Variants in CDH19 observed in about 807,000 individuals in gnomAD.
The protein encoded by CDH19 is cadherin-19.
In CDH19, 67 loss-of-function variants were observed where a neutral mutation model predicts 64.2. That is an observed-to-expected ratio of 1.04 (90% CI 0.86 to 1.28). The LOEUF is 1.28. Among genes scored for constraint, CDH19 ranks in the 50% most tolerant of loss-of-function variants. The pLI is 0.00. For missense variants in CDH19, 1,030 were observed against 929.0 expected (o/e 1.11, Z -1.41); for synonymous variants, 346 against 319.3 (o/e 1.08, Z -0.89).
intron 1 of CDH19, among the ~76,000 whole-genome samples, chr18:66,581,477 G>A (rs1988419740): frequency 6.6e-6 from 1 of 152,028 alleles, no homozygotes; most frequent in Non-Finnish European, 1.5e-5. Flanking sequence ...CAGTGAACTG[G>A]GAGAAGAGTC....
chr18:66,590,998 T>G (rs2144627030), intron 1 of CDH19, among the ~76,000 whole-genome samples: 1 of 152,028 alleles, frequency 6.6e-6, no homozygotes, highest in East Asian at 1.9e-4. Flanking sequence ...TTTTAAGTTC[T>G]CATTTTGTAA....
rs996680958 is a variant in CDH19 at position 66,553,671 on chromosome 18, T to A, written c.610+734A>T. ...TGGGTGATTAGTTATATATATATAT[T>A]TTTTCAGTGGAGACTATAATCTTCT... On this transcript the variant is annotated intron_variant, in intron 4 of 11. Transcript: ENST00000262150. 4.5e-5 allele frequency among the ~76,000 whole-genome samples: 6 copies of A among 132,476 alleles called. 2 individuals are homozygous for A. The highest frequency in any genetic ancestry group is 1.8e-4 in the African/African-American group (5 of 27,872). The allele number at this position is 132,476 out of a possible 152,430, so 86.9% of individuals were successfully genotyped here. A position where few individuals can be genotyped will look rare whatever the true frequency, so the allele number is the denominator to read the frequency against.
chr18:66,510,621 A>AT (rs1491367181), intron 10 of CDH19, among the ~76,000 whole-genome samples: 3 of 132,908 alleles, frequency 2.3e-5, no homozygotes, highest in Non-Finnish European at 4.9e-5. Context: ...AATAATAATA[A>AT]TAATAATACA....
intron 9 of CDH19, among the ~76,000 whole-genome samples, chr18:66,518,480 C>T (rs763649014): frequency 3.7e-4 from 56 of 152,044 alleles, no homozygotes; most frequent in Non-Finnish European, 5.7e-4. Context: ...GTGATCCTCT[C>T]GCCTAGGCCT....
rs1306370735 is a variant in CDH19 at position 66,504,375 on chromosome 18, A to G, written c.*437T>C. 1 of 146,468 alleles carries G rather than the reference A, an allele frequency of 6.8e-6. No homozygotes were observed. Among genetic ancestry groups the G allele is most frequent in the African/African-American group, 2.5e-5 (1 of 39,448 alleles). The allele number at this position is 146,468 out of a possible 1,614,324, so 9.1% of individuals were successfully genotyped here. A position where few individuals can be genotyped will look rare whatever the true frequency, so the allele number is the denominator to read the frequency against. On this transcript the variant is annotated 3_prime_UTR_variant, in exon 12 of 12. Coordinates refer to ENST00000262150, the MANE Select transcript of CDH19 (RefSeq NM_021153.4). The stretch of plus-strand genomic sequence containing the variant: ...AAATTTCTCTGACTATACATTTTCA[A>G]TTTTCATGTCAATATGATAGAAATG...
chr18:66,578,656 C>T (rs1599031281), intron 1 of CDH19, among the ~76,000 whole-genome samples: 1 of 151,636 alleles, frequency 6.6e-6, no homozygotes, highest in Admixed American at 6.6e-5. Flanking sequence ...TAGATATCTA[C>T]CTAAGACAAA....
intron 1 of CDH19, among the ~76,000 whole-genome samples, chr18:66,581,999 G>C (rs926010878): frequency 6.6e-6 from 1 of 151,910 alleles, no homozygotes; most frequent in Non-Finnish European, 1.5e-5. Context: ...CATAACTACT[G>C]ATCTTAAAGA....
intron 11 of CDH19, among the ~76,000 whole-genome samples, chr18:66,507,325 ATAAGT>A (rs1985250622): frequency 6.6e-6 from 1 of 151,896 alleles, no homozygotes. Context: ...CTTGAGAAAG[ATAAGT>A]TAAGTGAAGA....
chr18:66,565,779 T>C (rs528105295), intron 3 of CDH19, among the ~76,000 whole-genome samples: 1 of 152,040 alleles, frequency 6.6e-6, no homozygotes, highest in South Asian at 2.1e-4. Context: ...ATTTCCATAT[T>C]ATATAACACT....
chr18:66,553,942 T>C (rs1599009537), intron 4 of CDH19, among the ~76,000 whole-genome samples: 1 of 143,462 alleles, frequency 7.0e-6, no homozygotes, highest in East Asian at 1.9e-4. Flanking sequence ...TATCAATGTG[T>C]ACGCTTAGCC....
intron 7 of CDH19, 131 bp downstream of exon 7, chr18:66,543,840 G>T: frequency 1.6e-6 from 1 of 640,716 alleles, no homozygotes; most frequent in Non-Finnish European, 2.5e-6. Context: ...CTGAGATTGC[G>T]CCACTGTACT....
intron 1 of CDH19, among the ~76,000 whole-genome samples, chr18:66,591,775 G>C (rs1988753926): frequency 1.3e-5 from 2 of 151,726 alleles, no homozygotes; most frequent in Admixed American, 1.3e-4. Context: ...GGTATTTGAG[G>C]AAAATTAAAT....
At chr18:66,567,982 GT>G (rs1250677006) in intron 3 of CDH19, among the ~76,000 whole-genome samples, 2 of 151,706 alleles carry the variant, frequency 1.3e-5, no homozygotes, top group Non-Finnish European at 1.5e-5. Flanking sequence ...TGTCTTAGTG[GT>G]TTTTTCTTCA....
At chr18:66,600,377 G>A (rs1013211275) in intron 1 of CDH19, among the ~76,000 whole-genome samples, 1 of 151,712 alleles carries the variant, frequency 6.6e-6, no homozygotes, top group African/African-American at 2.4e-5. Context: ...ATGTCTTGCT[G>A]AGATTTTTAA....
intron 9 of CDH19, among the ~76,000 whole-genome samples, chr18:66,528,310 G>A (rs1986302491): frequency 6.6e-6 from 1 of 151,998 alleles, no homozygotes; most frequent in African/African-American, 2.4e-5. Context: ...ATTTCTGCAG[G>A]AGCCATGGGT....
At chr18:66,602,336 G>C (rs907688385) in intron 1 of CDH19, among the ~76,000 whole-genome samples, 5 of 151,906 alleles carry the variant, frequency 3.3e-5, no homozygotes, top group Non-Finnish European at 7.4e-5. Flanking sequence ...ATATGTATCA[G>C]ATTATATGTA....
intron 5 of CDH19, 22 bp downstream of exon 5, chr18:66,551,072 A>C: frequency 7.6e-7 from 1 of 1,315,364 alleles, no homozygotes; most frequent in Non-Finnish European, 1.1e-6. Flanking sequence ...TGTAATGAAG[A>C]TGTAGAATCC....
intron 7 of CDH19, among the ~76,000 whole-genome samples, chr18:66,540,399 C>T (rs534108855): frequency 2.0e-5 from 3 of 152,114 alleles, no homozygotes; most frequent in African/African-American, 7.2e-5. Context: ...AAGAGTAATC[C>T]CTATATCTGA....
chr18:66,595,831 T>G (rs1289335068), intron 1 of CDH19, among the ~76,000 whole-genome samples: 2 of 152,038 alleles, frequency 1.3e-5, no homozygotes, highest in Non-Finnish European at 2.9e-5. Flanking sequence ...CCGGCATCAT[T>G]CTAATACCAA....
Sources: gnomAD v4.1 joint callset for allele counts (sites outside exome capture counted in the v4.1 genomes callset) on GRCh38, gnomAD v4.1.1 for gene constraint, MANE v1.5 for transcripts, NCBI Gene and HGNC (gene_info 2026-07-23, HGNC 2026-07-21) for gene names.